STAU2: variants seen among roughly 807,000 people sequenced by gnomAD.
STAU2 encodes staufen double-stranded RNA binding protein 2.
A neutral mutation model predicts 65.9 loss-of-function variants in STAU2; 20 were observed. That is an observed-to-expected ratio of 0.30 (90% confidence interval 0.21 to 0.44). STAU2 has a LOEUF of 0.44. STAU2 is among the 20% of genes least tolerant of loss of function. STAU2 has a pLI of 1.00. For missense variants in STAU2, 558 were observed against 683.9 expected, an observed-to-expected ratio of 0.82 and a Z score of 2.05; for synonymous variants, 232 against 233.9, an observed-to-expected ratio of 0.99 and a Z score of 0.07.
upstream of STAU2, among the ~76,000 whole-genome samples, chr8:73,747,132 G>A (rs1807346401): frequency 6.6e-6 from 1 of 151,840 alleles, no homozygotes; most frequent in Non-Finnish European, 1.5e-5. Flanking sequence ...GGCTCTGCGG[G>A]GCTAGCGGCG....
In STAU2 at chr8:73,552,322, A is replaced by G. The variant is rs1365815083; in HGVS notation, c.1223-3T>C. The G allele has an allele frequency of 1.9e-6, 3 of 1,606,846 alleles. No homozygotes were observed. Among genetic ancestry groups the G allele is most frequent in the Middle Eastern group, 1.7e-4 (1 of 6,016 alleles). ...CAAATGAAGAATTCCTTTTGGAGCT[A>G]TAAATAAAATGAAGAACACTGTTAT... On this transcript the variant is annotated splice_polypyrimidine_tract_variant and splice_region_variant and intron_variant, in intron 12 of 14. Transcript: ENST00000524300.
rs997051304 is a variant in STAU2 at position 73,434,219 on chromosome 8, C to T, written c.1531-11517G>A. Among the ~76,000 whole-genome samples the T allele has an allele frequency of 8.3e-5, 12 of 145,264 alleles. No homozygotes were observed. The South Asian group carries it at 2.6e-3, about 32-fold the overall frequency. ...GAGGGCTTTCAGCTTCTAGAGGCCACTCACATTCCTTGACTCAACACAAGG... is the reference window on the plus strand; with the variant it reads ...GAGGGCTTTCAGCTTCTAGAGGCCATTCACATTCCTTGACTCAACACAAGG... On this transcript the variant is annotated intron_variant, in intron 13 of 14. Coordinates refer to ENST00000524300, the MANE Select transcript of STAU2 (RefSeq NM_001164380.2).
chr8:73,462,229 G>A (rs1326575729), intron 13 of STAU2, among the ~76,000 whole-genome samples: 1 of 151,262 alleles, frequency 6.6e-6, no homozygotes, highest in African/African-American at 2.4e-5. Context: ...ACAGGTGCCT[G>A]CCACCACGCC....
rs1339265727 is a variant in STAU2 at position 73,574,913 on chromosome 8, A to G, written c.1222+7857T>C. On this transcript the variant is annotated intron_variant, in intron 12 of 14. Coordinates refer to ENST00000524300, the MANE Select transcript of STAU2 (RefSeq NM_001164380.2). ...CTAGAACTTAAAGTATAATAAAATA[A>G]ATAAATAAATAAAATAAAATAAAAA... 5.3e-5 allele frequency among the ~76,000 whole-genome samples: 8 copies of G among 151,894 alleles called. No homozygotes were observed. The South Asian group carries it at 1.7e-3, about 31-fold the overall frequency.
At chr8:73,606,278 G>A (rs1298852327) in intron 9 of STAU2, among the ~76,000 whole-genome samples, 4 of 151,778 alleles carry the variant, frequency 2.6e-5, no homozygotes, top group African/African-American at 7.2e-5. Context: ...AATAACTTCT[G>A]CTCTTTGAAA....
At position 73,421,539 on chromosome 8, in the gene STAU2, G is replaced by T. The variant is rs1408389037; in HGVS notation, c.1620-74C>A. The T allele has an allele frequency of 2.1e-6, 3 of 1,400,436 alleles. No homozygotes were observed. The Admixed American group carries it at 6.1e-5, about 28-fold the overall frequency. The allele number at this position is 1,400,436 out of a possible 1,614,324, so 86.8% of individuals were successfully genotyped here. A position where few individuals can be genotyped will look rare whatever the true frequency, so the allele number is the denominator to read the frequency against. ...CTTCAGACATGTTTATTAGCAGATG[G>T]CACAGAGGATTCAAAGGTCACCACA... On this transcript the variant is annotated intron_variant, in intron 14 of 14. Transcript: ENST00000524300.
At position 73,603,749 on chromosome 8, in the gene STAU2, G is replaced by C. The variant is rs984913949; in HGVS notation, c.1006C>G (p.Arg336Gly). Residue 336 changes from arginine (R) to glycine (G), a missense_variant, in exon 10 of 15, where the codon CGA (arginine) becomes GGA (glycine). Physicochemically the swap from Arg to Gly is moderately radical, Grantham distance 125. Transcript: ENST00000524300. ...ACCTGCATCACAAATTCTCGACGTCGAGGCATTCCTCTTTCTGAAAGCAAA... is the reference window on the plus strand; with the variant it reads ...ACCTGCATCACAAATTCTCGACGTCCAGGCATTCCTCTTTCTGAAAGCAAA... The part of the protein sequence containing the change: ...YVLLSERGMP[R>G]RREFVMQVKV... The C allele has an allele frequency of 3.1e-6, 5 of 1,610,820 alleles. No homozygotes were observed. In the Admixed American group the frequency reaches 6.7e-5, roughly 22 times the overall value.
chr8:73,617,330 C>T lies in STAU2; in HGVS notation c.532G>A (p.Ala178Thr). 6.2e-7 allele frequency: 1 copy of T among 1,614,054 alleles called. No individual in the cohort carries two copies. Among genetic ancestry groups the T allele is most frequent in the Non-Finnish European group, 8.5e-7 (1 of 1,179,968 alleles). ...RHNAAMKALQALQNEPIPERS... is the reference protein window; with the variant it reads ...RHNAAMKALQTLQNEPIPERS... ...TCTGGAATAGGTTCATTCTGCAGTG[C>T]TTGGAGGGCTTTCATTGCAGCATTG... Residue 178 changes from alanine (A) to threonine (T), a missense_variant, in exon 7 of 15, where the codon GCA becomes ACA. Ala to Thr is a moderately conservative substitution (Grantham distance 58, BLOSUM62 0). This residue lies in a region of STAU2 where 199 missense variants were observed against 299.5 expected (regional missense o/e 0.66). Transcript: ENST00000524300.
intron 3 of STAU2, among the ~76,000 whole-genome samples, chr8:73,730,851 C>T (rs574030686): frequency 7.6e-4 from 115 of 151,816 alleles, no homozygotes; most frequent in African/African-American, 2.6e-3. Context: ...TAGTCCCTTA[C>T]TGATATTCTG....
At position 73,541,733 on chromosome 8, in the gene STAU2, CAG is replaced by C. The variant is rs376125924; in HGVS notation, c.1530+10277_1530+10278del. Among the ~76,000 whole-genome samples, 218 of 151,972 alleles carry C rather than the reference CAG, an allele frequency of 1.4e-3. 2 individuals are homozygous for C. Among genetic ancestry groups the C allele is most frequent in the African/African-American group, 5.2e-3 (216 of 41,450 alleles). On this transcript the variant is annotated intron_variant, in intron 13 of 14. Transcript: ENST00000524300. ...TAACTATACAGATATGGAATCTCAA[CAG>C]AGAAAAGGAACTACAAAAAACAACC...
intron 6 of STAU2, among the ~76,000 whole-genome samples, chr8:73,620,149 C>T (rs538118419): frequency 2.1e-4 from 32 of 152,198 alleles, no homozygotes; most frequent in African/African-American, 6.7e-4. Flanking sequence ...ATGAATAACG[C>T]CGGTCATCTT....
intron 13 of STAU2, among the ~76,000 whole-genome samples, chr8:73,513,743 T>A (rs1822545249): frequency 2.0e-5 from 3 of 152,174 alleles, no homozygotes; most frequent in Admixed American, 6.5e-5. Context: ...GCCTTTCTTG[T>A]CTCTTACCGA....
At chr8:73,521,310 C>T (rs902561034) in intron 13 of STAU2, among the ~76,000 whole-genome samples, 1 of 152,170 alleles carries the variant, frequency 6.6e-6, no homozygotes, top group East Asian at 1.9e-4. Flanking sequence ...TCAAAGCATA[C>T]ACATTGGAAA....
intron 3 of STAU2, among the ~76,000 whole-genome samples, chr8:73,733,277 C>T (rs1364675997): frequency 6.6e-6 from 1 of 152,198 alleles, no homozygotes; most frequent in South Asian, 2.1e-4. Flanking sequence ...AATACTACAA[C>T]CGCCTAATAT....
chr8:73,657,042 T>C (rs1816432732), intron 6 of STAU2, among the ~76,000 whole-genome samples: 1 of 152,200 alleles, frequency 6.6e-6, no homozygotes, highest in Non-Finnish European at 1.5e-5. Flanking sequence ...TATGAATACC[T>C]ATGCACCAAA....
rs529413981 is a variant in STAU2, at chr8:73,688,448, G to A, written c.274+206C>T. ...CCCAAAGTGCTGGGATTACAGGCGT[G>A]AGCCAACGCACCAAGCCTCCTTCAG... On this transcript the variant is annotated intron_variant, in intron 5 of 14. Coordinates refer to ENST00000524300, the MANE Select transcript of STAU2 (RefSeq NM_001164380.2). Among the ~76,000 whole-genome samples the A allele has an allele frequency of 2.0e-5, 3 of 152,044 alleles. No homozygotes were observed. In the East Asian group the frequency reaches 5.8e-4, roughly 29 times the overall value.
intron 13 of STAU2, among the ~76,000 whole-genome samples, chr8:73,503,670 C>T (rs1047711922): frequency 1.3e-5 from 2 of 151,874 alleles, no homozygotes; most frequent in African/African-American, 2.4e-5. Flanking sequence ...ACTTCTTGGC[C>T]TTTTGGCTAA....
rs1200383754 is a variant in STAU2, at chr8:73,588,252, CA to C, written c.1162-5423del. On this transcript the variant is annotated intron_variant, in intron 11 of 14. Transcript: ENST00000524300. ...AAATCCTTCTGGGAGAGATAGGACT[CA>C]CAAAAATGTTAACAGCTTTGGCAGG... 1.3e-5 allele frequency among the ~76,000 whole-genome samples: 2 copies of C among 152,058 alleles called. 1 individual carries two copies. The highest frequency in any genetic ancestry group is 2.9e-5 in the Non-Finnish European group (2 of 68,028).
chr8:73,516,156 T>C (rs996977997), intron 13 of STAU2, among the ~76,000 whole-genome samples: 1 of 151,944 alleles, frequency 6.6e-6, no homozygotes, highest in Non-Finnish European at 1.5e-5. Context: ...CCCAGGTTAG[T>C]TGCAAACTAC....
Sources: allele counts gnomAD v4.1 joint callset (sites outside exome capture counted in the v4.1 genomes callset), GRCh38; gene constraint gnomAD v4.1.1; regional missense constraint gnomAD v4.1.1; transcripts MANE v1.5; gene names NCBI Gene and HGNC (gene_info 2026-07-23, HGNC 2026-07-21).